Variants in SH3BGRL2 observed in about 807,000 individuals in gnomAD.
SH3BGRL2 encodes SH3 domain-binding glutamic acid-rich-like protein 2.
SH3BGRL2 carries 21 observed loss-of-function variants against 14.8 expected under a neutral mutation model. The ratio of observed to expected loss-of-function variants is 1.42; its 90% CI spans 1.01 to 2.05. The LOEUF is 2.05. Among genes scored for constraint, SH3BGRL2 ranks in the 30% most tolerant of loss-of-function variants. SH3BGRL2 has a pLI of 0.00. For missense variants in SH3BGRL2, 147 were observed against 130.8 expected (o/e 1.12, Z -0.61); for synonymous variants, 50 against 47.8 (o/e 1.05, Z -0.19).
chr6:79,664,597 A>G (rs1769619266), intron 1 of SH3BGRL2, among the ~76,000 whole-genome samples: 1 of 152,184 alleles, frequency 6.6e-6, no homozygotes, highest in African/African-American at 2.4e-5. Context: ...CAGCAAAGCC[A>G]CATGTTCACA....
chr6:79,701,376 A>G lies in SH3BGRL2; in HGVS notation c.*1867A>G, dbSNP rs573418763. 6.6e-6 allele frequency: 1 copy of G among 152,234 alleles called. No individual in the cohort carries two copies. The highest frequency in any genetic ancestry group is 1.9e-4 in the East Asian group (1 of 5,180). 9.4% of individuals were successfully genotyped at this position (152,234 alleles called of 1,614,324 possible). On this transcript the variant is annotated 3_prime_UTR_variant, in exon 4 of 4. Transcript: ENST00000369838. ...TCATTACTCAGCTAACATTTAGTCT[A>G]CTCTTGCTAGTGAGTGCCAAGAACC...
intron 1 of SH3BGRL2, among the ~76,000 whole-genome samples, chr6:79,655,893 GC>G (rs1235320041): frequency 1.3e-5 from 2 of 152,184 alleles, no homozygotes; most frequent in Admixed American, 6.6e-5. Flanking sequence ...GCTTTAACAA[GC>G]CCTCCAGGTG....
At chr6:79,556,818 G>T in the SH3BGRL2 span, among the ~76,000 whole-genome samples, 48 of 151,814 alleles carry the variant, frequency 3.2e-4, no homozygotes, top group East Asian at 7.9e-3. Context: ...TTTATAATAA[G>T]GAGGGAAAAT....
the SH3BGRL2 span, among the ~76,000 whole-genome samples, chr6:79,618,335 A>G: frequency 6.6e-6 from 1 of 152,146 alleles, no homozygotes; most frequent in Non-Finnish European, 1.5e-5. Flanking sequence ...TTGGTGTTCA[A>G]ATTGACCCAA....
the SH3BGRL2 span, among the ~76,000 whole-genome samples, chr6:79,590,424 G>GATATATATATATATATATATAT: frequency 3.0e-5 from 2 of 66,662 alleles, no homozygotes; most frequent in Non-Finnish European, 5.4e-5. Flanking sequence ...AAGAAAATGT[G>GATATATATATATATATATATAT]ATATATATAT....
intron 2 of SH3BGRL2, among the ~76,000 whole-genome samples, chr6:79,687,155 G>A (rs910799212): frequency 1.3e-5 from 2 of 152,196 alleles, no homozygotes; most frequent in African/African-American, 4.8e-5. Flanking sequence ...CCCTGCCATA[G>A]CCTGCTCCAG....
intron 1 of SH3BGRL2, among the ~76,000 whole-genome samples, chr6:79,652,845 A>C (rs1439844765): frequency 1.3e-5 from 2 of 152,196 alleles, no homozygotes; most frequent in Non-Finnish European, 2.9e-5. Flanking sequence ...AGTTTATTAC[A>C]AACATTATTT....
At chr6:79,562,415 C>T in the SH3BGRL2 span, among the ~76,000 whole-genome samples, 1 of 152,034 alleles carries the variant, frequency 6.6e-6, no homozygotes, top group Non-Finnish European at 1.5e-5. Flanking sequence ...ACAAATTGGT[C>T]CCTAACTAAC....
chr6:79,554,325 AG>A, the SH3BGRL2 span, among the ~76,000 whole-genome samples: 1 of 152,204 alleles, frequency 6.6e-6, no homozygotes, highest in East Asian at 1.9e-4. Context: ...AAGAAATTCC[AG>A]GGGGTAGGGG....
chr6:79,682,756 CAT>C (rs1363450328), intron 2 of SH3BGRL2, among the ~76,000 whole-genome samples: 13 of 152,210 alleles, frequency 8.5e-5, no homozygotes, highest in African/African-American at 2.7e-4. Flanking sequence ...CACATGCACA[CAT>C]ATGTTTATTG....
chr6:79,580,414 T>G, the SH3BGRL2 span, among the ~76,000 whole-genome samples: 1 of 152,208 alleles, frequency 6.6e-6, no homozygotes, highest in East Asian at 1.9e-4. Context: ...TCAGCAAATG[T>G]AAAAGAACAG....
Position 79,679,621 on chromosome 6 carries a change from G to C in SH3BGRL2, c.231+5822G>C, listed in dbSNP as rs146429192. Among the ~76,000 whole-genome samples the C allele has an allele frequency of 7.0e-3, 1,057 of 152,086 alleles. 12 individuals are homozygous for C. Among genetic ancestry groups the C allele is most frequent in the African/African-American group, 0.024 (1,002 of 41,488 alleles). ...AGTGAGATTGCTAAATAGTATGGTA[G>C]TTCTATTTTTAATTTTGGGGGGAAC... On this transcript the variant is annotated intron_variant, in intron 2 of 3. Transcript: ENST00000369838.
At chr6:79,591,873 C>A in the SH3BGRL2 span, among the ~76,000 whole-genome samples, 1 of 152,144 alleles carries the variant, frequency 6.6e-6, no homozygotes. Context: ...CCTGCTGATA[C>A]CTGTCTAATC....
chr6:79,546,913 C>T, the SH3BGRL2 span, among the ~76,000 whole-genome samples: 1 of 152,118 alleles, frequency 6.6e-6, no homozygotes, highest in Non-Finnish European at 1.5e-5. Context: ...AACTCCTGAC[C>T]TCATGATCCG....
At chr6:79,677,855 G>A (rs1769915302) in intron 2 of SH3BGRL2, among the ~76,000 whole-genome samples, 1 of 152,120 alleles carries the variant, frequency 6.6e-6, no homozygotes. Context: ...GAGAATGTGG[G>A]TGATGAGATT....
At chr6:79,677,801 G>T (rs1036461164) in intron 2 of SH3BGRL2, among the ~76,000 whole-genome samples, 11 of 152,094 alleles carry the variant, frequency 7.2e-5, no homozygotes, top group Non-Finnish European at 1.3e-4. Flanking sequence ...TTGATTCCCT[G>T]GAGTGGAATC....
the SH3BGRL2 span, among the ~76,000 whole-genome samples, chr6:79,590,432 T>G: frequency 3.8e-5 from 3 of 79,142 alleles, no homozygotes; most frequent in Non-Finnish European, 5.6e-5. Flanking sequence ...GTGATATATA[T>G]ATATATATAT....
the SH3BGRL2 span, among the ~76,000 whole-genome samples, chr6:79,597,334 GAAA>G: frequency 6.8e-6 from 1 of 146,032 alleles, no homozygotes; most frequent in African/African-American, 2.6e-5. Flanking sequence ...GAAAAGAAAA[GAAA>G]AAAGAAAAGA....
At chr6:79,594,974 A>G in the SH3BGRL2 span, among the ~76,000 whole-genome samples, 2 of 152,214 alleles carry the variant, frequency 1.3e-5, no homozygotes, top group Admixed American at 1.3e-4. Context: ...TCAAAATTTT[A>G]TAACACTGAG....
Sources: gnomAD v4.1 joint callset for allele counts (sites outside exome capture counted in the v4.1 genomes callset) on GRCh38, gnomAD v4.1.1 for gene constraint, MANE v1.5 for transcripts, NCBI Gene and HGNC (gene_info 2026-07-23, HGNC 2026-07-21) for gene names.